The following NRXN3 variants were observed in gnomAD, a reference collection of about 807,000 sequenced individuals.
NRXN3 encodes the protein neurexin III.
NRXN3 carries 32 observed loss-of-function variants against 137.6 expected under a neutral mutation model. That is an observed-to-expected ratio of 0.23 (90% CI 0.18 to 0.31). The LOEUF is 0.31. Among genes scored for constraint, NRXN3 ranks in the 10% least tolerant of loss-of-function variants. NRXN3 has a pLI of 1.00. For synonymous variants in NRXN3, 798 were observed against 784.5 expected (o/e 1.02, Z -0.29); for missense variants, 1,574 against 2,062.5 (o/e 0.76, Z 4.59).
chr14:79,692,636 T>A (rs1007231607), intron 18 of NRXN3, among the ~76,000 whole-genome samples: 2 of 152,014 alleles, frequency 1.3e-5, no homozygotes, highest in Non-Finnish European at 2.9e-5. Context: ...AAGGGCTTTT[T>A]AAACTTACAC....
chr14:79,648,826 C>A (rs920700956), intron 16 of NRXN3, among the ~76,000 whole-genome samples: 1 of 152,030 alleles, frequency 6.6e-6, no homozygotes, highest in African/African-American at 2.4e-5. Context: ...GCAGAGTTGG[C>A]GTGGCTCATC....
At chr14:79,151,636 A>C (rs771024135) in intron 15 of NRXN3, among the ~76,000 whole-genome samples, 2 of 152,020 alleles carry the variant, frequency 1.3e-5, no homozygotes, top group Non-Finnish European at 2.9e-5. Flanking sequence ...AGGAGCTCAA[A>C]TGAACAGGGC....
chr14:79,214,983 A>G (rs957280957), intron 15 of NRXN3, among the ~76,000 whole-genome samples: 2 of 152,134 alleles, frequency 1.3e-5, no homozygotes. Flanking sequence ...AGTTCTAGGG[A>G]CACACTGTGA....
chr14:79,716,618 T>G (rs1847792711), intron 19 of NRXN3, among the ~76,000 whole-genome samples: 1 of 152,090 alleles, frequency 6.6e-6, no homozygotes, highest in African/African-American at 2.4e-5. Flanking sequence ...GTGGAAGTTT[T>G]CCTGCAGTCT....
chr14:79,490,605 T>A (rs1287292191), intron 16 of NRXN3, among the ~76,000 whole-genome samples: 1 of 150,288 alleles, frequency 6.7e-6, no homozygotes, highest in Non-Finnish European at 1.5e-5. Flanking sequence ...ATTTGTGGGA[T>A]CTGAAAATCA....
intron 16 of NRXN3, among the ~76,000 whole-genome samples, chr14:79,477,418 A>G (rs1213193169): frequency 6.6e-6 from 1 of 152,154 alleles, no homozygotes; most frequent in Non-Finnish European, 1.5e-5. Flanking sequence ...TAAAATGCAG[A>G]TGGCAATAAT....
intron 4 of NRXN3, among the ~76,000 whole-genome samples, chr14:78,428,923 T>C (rs2093766828): frequency 6.6e-6 from 1 of 152,198 alleles, no homozygotes; most frequent in Admixed American, 6.5e-5. Context: ...GAATAATGTT[T>C]GTTCAAGTAT....
chr14:78,660,276 T>TATATATATATATATATATATATATATA (rs1566997203), intron 6 of NRXN3, among the ~76,000 whole-genome samples: 9 of 150,304 alleles, frequency 6.0e-5, no homozygotes, highest in South Asian at 2.1e-4. Context: ...TATATATATA[T>TATATATATATATATATATATATATATA]TTGGCAACTG....
At chr14:78,808,717 C>T (rs748150686) in intron 9 of NRXN3, among the ~76,000 whole-genome samples, 2 of 152,132 alleles carry the variant, frequency 1.3e-5, no homozygotes, top group East Asian at 1.9e-4. Context: ...ATGTTCTTCT[C>T]GGGAACAAAT....
intron 15 of NRXN3, among the ~76,000 whole-genome samples, chr14:79,225,077 C>G (rs1482538470): frequency 1.3e-5 from 2 of 152,128 alleles, no homozygotes. Flanking sequence ...GTGGCCAGAA[C>G]TAGATTTTGG....
chr14:79,748,045 G>A (rs534974547), intron 19 of NRXN3, among the ~76,000 whole-genome samples: 119 of 152,098 alleles, frequency 7.8e-4, no homozygotes, highest in African/African-American at 2.3e-3. Flanking sequence ...GGGGCCTGTC[G>A]GGGAGGGGGA....
At chr14:79,532,711 A>G (rs139910924) in intron 16 of NRXN3, among the ~76,000 whole-genome samples, 412 of 152,270 alleles carry the variant, frequency 2.7e-3, no homozygotes, top group African/African-American at 9.7e-3. Flanking sequence ...TTCTTTCCCC[A>G]TACTCATTTC....
At chr14:78,423,541 C>T (rs2093542282) in intron 4 of NRXN3, among the ~76,000 whole-genome samples, 1 of 152,088 alleles carries the variant, frequency 6.6e-6, no homozygotes, top group African/African-American at 2.4e-5. Flanking sequence ...CTTGGGTGGG[C>T]TTGAGTTTAT....
At chr14:78,968,396 A>C (rs2099428103) in intron 14 of NRXN3, 50 bp downstream of exon 14, 1 of 1,572,410 alleles carries the variant, frequency 6.4e-7, no homozygotes, top group Admixed American at 1.7e-5. Flanking sequence ...GCAAGCACCA[A>C]GCCTCTTTGC....
intron 10 of NRXN3, among the ~76,000 whole-genome samples, chr14:78,946,344 G>A (rs563259938): frequency 2.1e-4 from 32 of 152,302 alleles, no homozygotes; most frequent in Middle Eastern, 3.4e-3. Context: ...AGAATGTGAA[G>A]AGGAACAGAC....
intron 8 of NRXN3, among the ~76,000 whole-genome samples, chr14:78,778,727 T>TTTCTTTCTTTCTTTCC (rs2098754770): frequency 6.8e-6 from 1 of 147,506 alleles, no homozygotes; most frequent in South Asian, 2.2e-4. Flanking sequence ...TCTTTCTTTC[T>TTTCTTTCTTTCTTTCC]TTCTCTCTCT....
At chr14:78,541,635 C>T (rs1042022196) in intron 4 of NRXN3, among the ~76,000 whole-genome samples, 2 of 152,204 alleles carry the variant, frequency 1.3e-5, no homozygotes, top group African/African-American at 2.4e-5. Context: ...CAAAGTCATT[C>T]TCCATCCAGC....
At chr14:78,898,148 A>C (rs1332084009) in intron 10 of NRXN3, among the ~76,000 whole-genome samples, 1 of 151,822 alleles carries the variant, frequency 6.6e-6, no homozygotes, top group African/African-American at 2.4e-5. Flanking sequence ...TAATCACAGG[A>C]TTTCTAAATG....
chr14:79,351,102 G>T (rs372537556), intron 15 of NRXN3, among the ~76,000 whole-genome samples: 2 of 152,116 alleles, frequency 1.3e-5, no homozygotes, highest in South Asian at 4.1e-4. Context: ...TCAACTAATG[G>T]TCTCTGCAGC....
Sources: gnomAD v4.1 joint callset for allele counts (sites outside exome capture counted in the v4.1 genomes callset) on GRCh38, gnomAD v4.1.1 for gene constraint, MANE v1.5 for transcripts, NCBI Gene and HGNC (gene_info 2026-07-23, HGNC 2026-07-21) for gene names.